VAV3: variants seen among roughly 807,000 people sequenced by gnomAD.
VAV3 encodes the protein vav guanine nucleotide exchange factor 3, also known as guanine nucleotide exchange factor VAV3.
A neutral mutation model predicts 131.2 loss-of-function variants in VAV3; 94 were observed. The ratio of observed to expected loss-of-function variants is 0.72; its 90% CI spans 0.61 to 0.85. The LOEUF is 0.85. Ranked by LOEUF, VAV3 falls within the 40% of genes least tolerant of loss-of-function variation. VAV3 has a pLI of 0.00. For missense variants in VAV3, 939 were observed against 1,002.7 expected (o/e 0.94, Z 0.86); for synonymous variants, 349 against 342.0 (o/e 1.02, Z -0.22).
At chr1:107,962,224 C>CT (rs1016943956) in intron 1 of VAV3, among the ~76,000 whole-genome samples, 36 of 152,338 alleles carry the variant, frequency 2.4e-4, no homozygotes, top group African/African-American at 8.7e-4. Context: ...AATGACATCT[C>CT]TAACTCCAGG....
chr1:107,790,010 A>G (rs1229038307), intron 2 of VAV3, among the ~76,000 whole-genome samples: 1 of 152,192 alleles, frequency 6.6e-6, no homozygotes, highest in Non-Finnish European at 1.5e-5. Flanking sequence ...ACAATGGGAA[A>G]CAAAACAGAT....
intron 20 of VAV3, among the ~76,000 whole-genome samples, chr1:107,634,309 A>C (rs1051845508): frequency 5.3e-5 from 8 of 152,190 alleles, no homozygotes; most frequent in Non-Finnish European, 7.3e-5. Context: ...GCCCTCAAAA[A>C]TAATGCCACA....
At chr1:107,656,118 G>C (rs913680599) in intron 19 of VAV3, among the ~76,000 whole-genome samples, 5 of 152,108 alleles carry the variant, frequency 3.3e-5, no homozygotes, top group Admixed American at 1.3e-4. Flanking sequence ...CCAAAAGAAA[G>C]GAAATCAATA....
chr1:107,824,446 A>G lies in VAV3; in HGVS notation c.322-44954T>C, dbSNP rs1667927091. Among the ~76,000 whole-genome samples, 2 of 152,322 alleles carry G rather than the reference A, an allele frequency of 1.3e-5. 1 individual carries two copies. Among genetic ancestry groups the G allele is most frequent in the Middle Eastern group, 6.8e-3 (2 of 294 alleles). On this transcript the variant is annotated intron_variant, in intron 2 of 26. Coordinates refer to ENST00000370056, the MANE Select transcript of VAV3 (RefSeq NM_006113.5). ...TACGGAGGTTCAAATGGATAATGAC[A>G]TGTACATTTTCAGAACCAATGTACA...
chr1:107,667,965 G>A (rs1002026584), intron 19 of VAV3, among the ~76,000 whole-genome samples: 3 of 152,024 alleles, frequency 2.0e-5, no homozygotes, highest in Admixed American at 1.3e-4. Flanking sequence ...GGGCCCTTCC[G>A]AGAAGCTCTT....
intron 2 of VAV3, among the ~76,000 whole-genome samples, chr1:107,824,594 C>T (rs552813592): frequency 6.6e-6 from 1 of 152,214 alleles, no homozygotes; most frequent in Middle Eastern, 3.4e-3. Context: ...AATACTGGAA[C>T]ATATACACTA....
At chr1:107,812,292 C>A (rs934513227) in intron 2 of VAV3, among the ~76,000 whole-genome samples, 8 of 151,836 alleles carry the variant, frequency 5.3e-5, no homozygotes, top group African/African-American at 1.7e-4. Flanking sequence ...TGGAGAGATG[C>A]CACAGAAATA....
At chr1:107,576,819 A>G (rs1298884885) in intron 25 of VAV3, among the ~76,000 whole-genome samples, 24 of 152,212 alleles carry the variant, frequency 1.6e-4, no homozygotes, top group Non-Finnish European at 1.2e-4. Flanking sequence ...GTAATCCTTC[A>G]CATCAAAACT....
At chr1:107,849,464 A>T (rs1233605573) in intron 2 of VAV3, among the ~76,000 whole-genome samples, 1 of 152,172 alleles carries the variant, frequency 6.6e-6, no homozygotes, top group Non-Finnish European at 1.5e-5. Flanking sequence ...ACCTAACAAA[A>T]AAAAACAATG....
At chr1:107,615,890 C>T (rs1463754837) in intron 21 of VAV3, among the ~76,000 whole-genome samples, 1 of 151,956 alleles carries the variant, frequency 6.6e-6, no homozygotes, top group Non-Finnish European at 1.5e-5. Context: ...CAAATTGAAA[C>T]CACAATGAGA....
intron 17 of VAV3, among the ~76,000 whole-genome samples, chr1:107,696,554 T>C (rs772188402): frequency 3.2e-4 from 48 of 152,204 alleles, no homozygotes; most frequent in Non-Finnish European, 5.4e-4. Flanking sequence ...ACTGATCCAA[T>C]CAGGATCTCT....
At chr1:107,727,376 C>T (rs1010684038) in intron 15 of VAV3, among the ~76,000 whole-genome samples, 1 of 152,146 alleles carries the variant, frequency 6.6e-6, no homozygotes, top group Admixed American at 6.6e-5. Flanking sequence ...AATCTTGAAG[C>T]CTTCATTACT....
In VAV3 at chr1:107,611,577, C is replaced by G. The variant is rs562362736; in HGVS notation, c.1981-1612G>C. Among the ~76,000 whole-genome samples the G allele has an allele frequency of 1.5e-3, 212 of 137,568 alleles. 3 individuals are homozygous for G. The highest frequency in any genetic ancestry group is 5.5e-3 in the African/African-American group (208 of 37,520). The allele number at this position is 137,568 out of a possible 152,430, so 90.2% of individuals were successfully genotyped here. A position where few individuals can be genotyped will look rare whatever the true frequency, so the allele number is the denominator to read the frequency against. On this transcript the variant is annotated intron_variant, in intron 21 of 26. Transcript: ENST00000370056. Reference sequence around the variant, plus strand: ...ATAATGTATATATTTATTCTTAAACCAAGCTTTCCATAGAGAACCAAAAAA... The same window carrying G: ...ATAATGTATATATTTATTCTTAAACGAAGCTTTCCATAGAGAACCAAAAAA...
intron 15 of VAV3, among the ~76,000 whole-genome samples, chr1:107,744,882 G>A (rs892449308): frequency 2.0e-5 from 3 of 152,190 alleles, no homozygotes; most frequent in African/African-American, 4.8e-5. Context: ...CAACTGTACT[G>A]TAAATGATAC....
chr1:107,602,044 C>G (rs1421283723), intron 24 of VAV3, among the ~76,000 whole-genome samples: 2 of 151,968 alleles, frequency 1.3e-5, no homozygotes, highest in Non-Finnish European at 1.5e-5. Context: ...CTAATTACAA[C>G]TTTTTGTGTT....
intron 2 of VAV3, among the ~76,000 whole-genome samples, chr1:107,837,477 A>G (rs1410763660): frequency 6.6e-6 from 1 of 152,208 alleles, no homozygotes; most frequent in Non-Finnish European, 1.5e-5. Flanking sequence ...CAATTTACAG[A>G]TTCAACACTA....
rs181499535 is a variant in VAV3, at chr1:107,880,562, G to A, written c.205-5545C>T. On this transcript the variant is annotated intron_variant, in intron 1 of 26. Transcript: ENST00000370056. ...TGTAATCCCAACACTTCAGGAGGCC[G>A]AGGTGGGCAGATCACCTGAGGTCAG... Among the ~76,000 whole-genome samples the A allele has an allele frequency of 4.2e-4, 64 of 152,250 alleles. 1 individual carries two copies. The East Asian group carries it at 0.01, about 25-fold the overall frequency.
chr1:107,737,355 G>T (rs902655590), intron 15 of VAV3, among the ~76,000 whole-genome samples: 3 of 152,138 alleles, frequency 2.0e-5, no homozygotes, highest in Admixed American at 2.0e-4. Flanking sequence ...ATTGACAAAT[G>T]GGATCCAATT....
chr1:107,807,022 G>C (rs1414705592), intron 2 of VAV3, among the ~76,000 whole-genome samples: 1 of 152,142 alleles, frequency 6.6e-6, no homozygotes, highest in African/African-American at 2.4e-5. Context: ...AAGGATGTAC[G>C]TGTTCAGTAC....
Sources: gnomAD v4.1 joint callset for allele counts (sites outside exome capture counted in the v4.1 genomes callset) on GRCh38, gnomAD v4.1.1 for gene constraint, MANE v1.5 for transcripts, NCBI Gene and HGNC (gene_info 2026-07-23, HGNC 2026-07-21) for gene names.